The following RGS12 variants were observed in gnomAD, a reference collection of about 807,000 sequenced individuals.
RGS12 encodes the protein regulator of G protein signaling 12, also known as regulator of G-protein signaling 12.
A neutral mutation model predicts 120.1 loss-of-function variants in RGS12; 66 were observed. The ratio of observed to expected loss-of-function variants is 0.55; its 90% CI spans 0.45 to 0.67. The LOEUF (loss-of-function observed/expected upper bound fraction) is 0.67. Ranked by LOEUF, RGS12 falls within the 30% of genes least tolerant of loss-of-function variation. RGS12 has a pLI of 0.00. For missense variants in RGS12, 1,859 were observed against 1,957.7 expected (o/e 0.95, Z 0.95); for synonymous variants, 827 against 804.7 (o/e 1.03, Z -0.47).
At chr4:3,287,092 C>T in the RGS12 span, among the ~76,000 whole-genome samples, 1 of 152,144 alleles carries the variant, frequency 6.6e-6, no homozygotes, top group South Asian at 2.1e-4. Flanking sequence ...TATAATCCTC[C>T]GGGAAAAGGT....
intron 4 of RGS12, among the ~76,000 whole-genome samples, chr4:3,388,467 C>T (rs936590278): frequency 8.5e-5 from 13 of 152,222 alleles, no homozygotes; most frequent in African/African-American, 2.7e-4. Context: ...TGTAGGGCAC[C>T]GAGGCAGAGT....
At position 3,390,983 on chromosome 4, in the gene RGS12, A is replaced by G. The variant is rs1048573806; in HGVS notation, c.2020+4546A>G. Among the ~76,000 whole-genome samples, 3 of 152,276 alleles carry G rather than the reference A, an allele frequency of 2.0e-5. No homozygotes were observed. The highest frequency in any genetic ancestry group is 4.4e-5 in the Non-Finnish European group (3 of 68,046). Reference sequence around the variant, plus strand: ...TGAGAGTAGAACCATCAGTACTTACATAGAATTAGTTGATAAATTTACATT... The same window carrying G: ...TGAGAGTAGAACCATCAGTACTTACGTAGAATTAGTTGATAAATTTACATT... On this transcript the variant is annotated intron_variant, in intron 4 of 17. Coordinates refer to ENST00000336727, the MANE Select transcript of RGS12 (RefSeq NM_001394154.1). The surrounding 1 kb of genome is among the most constrained non-coding windows in gnomAD (Gnocchi z 4.6).
At chr4:3,311,104 G>A (rs1399039785) in intron 1 of RGS12, among the ~76,000 whole-genome samples, 1 of 152,138 alleles carries the variant, frequency 6.6e-6, no homozygotes, top group Non-Finnish European at 1.5e-5. Flanking sequence ...CCTGGAGGCC[G>A]TGATTGCTGA....
At chr4:3,306,037 A>T (rs1243645281) in intron 1 of RGS12, among the ~76,000 whole-genome samples, 1 of 152,226 alleles carries the variant, frequency 6.6e-6, no homozygotes, top group Admixed American at 6.5e-5. Flanking sequence ...GGCACGAGCC[A>T]TACCTGGCAT....
At chr4:3,406,387 A>C (rs1171747900) in intron 4 of RGS12, among the ~76,000 whole-genome samples, 1 of 152,164 alleles carries the variant, frequency 6.6e-6, no homozygotes, top group Non-Finnish European at 1.5e-5. Context: ...GAAAATGTGG[A>C]GCTTGATTGG....
intron 2 of RGS12, among the ~76,000 whole-genome samples, chr4:3,322,056 G>A (rs1017205292): frequency 1.3e-5 from 2 of 152,148 alleles, no homozygotes; most frequent in African/African-American, 2.4e-5. Flanking sequence ...TGTCACTGCC[G>A]CCTCCATCCT....
At chr4:3,362,324 CAT>C (rs1578822782) in intron 3 of RGS12, among the ~76,000 whole-genome samples, 1 of 152,104 alleles carries the variant, frequency 6.6e-6, no homozygotes, top group African/African-American at 2.4e-5. Flanking sequence ...TGTGTCGCCT[CAT>C]GTCATGAAGA....
At chr4:3,333,662 C>T (rs1712123893) in intron 2 of RGS12, among the ~76,000 whole-genome samples, 1 of 152,160 alleles carries the variant, frequency 6.6e-6, no homozygotes. Context: ...GCGTGTGGGT[C>T]TGTTTCTTAG....
chr4:3,383,601 CA>C lies in RGS12; in HGVS notation c.1999-2804del, dbSNP rs112353778. On this transcript the variant is annotated intron_variant, in intron 3 of 17. Coordinates refer to ENST00000336727, the MANE Select transcript of RGS12 (RefSeq NM_001394154.1). Reference sequence around the variant, plus strand: ...TATCCTGGTGACAGAGCGAGACTGTCAAAAAAAAAAAGTATGTGTATCTCTC... The same window carrying C: ...TATCCTGGTGACAGAGCGAGACTGTCAAAAAAAAAAGTATGTGTATCTCTC... 3.2e-4 allele frequency among the ~76,000 whole-genome samples: 46 copies of C among 144,924 alleles called. No homozygotes were observed. The South Asian group carries it at 3.2e-3, about 10-fold the overall frequency.
intron 3 of RGS12, among the ~76,000 whole-genome samples, chr4:3,346,422 A>T (rs1487841017): frequency 1.3e-5 from 2 of 152,214 alleles, no homozygotes; most frequent in Admixed American, 1.3e-4. Context: ...GAAGCTGCCC[A>T]CAGCATGAAG....
At chr4:3,288,409 C>T (rs1480817656), upstream of RGS12, among the ~76,000 whole-genome samples, 1 of 152,184 alleles carries the variant, frequency 6.6e-6, no homozygotes, top group African/African-American at 2.4e-5. This position sits in a 1 kb window ranked among gnomAD's most constrained non-coding sequence, Gnocchi z 5.2. Flanking sequence ...CCCTCTGGGC[C>T]TGGCTTCCTG....
intron 1 of RGS12, among the ~76,000 whole-genome samples, chr4:3,302,368 G>T (rs760501238): frequency 5.7e-5 from 7 of 123,766 alleles, no homozygotes; most frequent in Non-Finnish European, 1.1e-4. Flanking sequence ...GGCCCTGGCC[G>T]TTGTGGTCTG....
intron 4 of RGS12, among the ~76,000 whole-genome samples, chr4:3,398,821 C>G (rs28608121): frequency 0.075 from 11,454 of 151,810 alleles, 1,110 homozygotes; most frequent in African/African-American, 0.23. Flanking sequence ...GAGCTTTGTA[C>G]CAAATGGAAA....
intron 3 of RGS12, among the ~76,000 whole-genome samples, chr4:3,347,703 T>C (rs1378605772): frequency 6.6e-6 from 1 of 152,218 alleles, no homozygotes; most frequent in Admixed American, 6.5e-5. Flanking sequence ...CTTAGAGTCT[T>C]TTCCATGAAT....
At chr4:3,363,137 G>C (rs1017043413) in intron 3 of RGS12, among the ~76,000 whole-genome samples, 1 of 151,598 alleles carries the variant, frequency 6.6e-6, no homozygotes, top group Admixed American at 6.6e-5. Context: ...GTGAGTGTGG[G>C]GGTGTGTGTG....
At chr4:3,355,175 A>G (rs1714749722) in intron 3 of RGS12, among the ~76,000 whole-genome samples, 1 of 152,234 alleles carries the variant, frequency 6.6e-6, no homozygotes, top group Non-Finnish European at 1.5e-5. Context: ...TTTTAACAGA[A>G]TACATAAAAA....
chr4:3,319,547 C>T (rs1339159651), intron 2 of RGS12, among the ~76,000 whole-genome samples: 1 of 152,186 alleles, frequency 6.6e-6, no homozygotes. Flanking sequence ...CCCACCTCAG[C>T]CTCCTGAGTA....
Position 3,430,687 on chromosome 4 carries a change from T to A in RGS12, c.3846T>A (p.Pro1282=), listed in dbSNP as rs1257950534. Residue 1282 remains proline (P), a synonymous_variant, in exon 17 of 18, where the codon CCT becomes CCA. Transcript: ENST00000336727. ...GCCCGGGCTCAGCCTCCAGCCCCCC[T>A]GGACCTCCTGGGACGACCCCCCCCG... is the stretch of plus-strand genomic sequence containing the variant. The part of the protein sequence containing the change: ...STSPGSASSP[P]GPPGTTPPGQ... The A allele has an allele frequency of 4.4e-6, 7 of 1,579,606 alleles. No individual in the cohort carries two copies. Among genetic ancestry groups the A allele is most frequent in the Non-Finnish European group, 6.0e-6 (7 of 1,162,564 alleles).
At chr4:3,370,732 G>GTAGCT (rs1333889288) in intron 3 of RGS12, among the ~76,000 whole-genome samples, 1 of 152,180 alleles carries the variant, frequency 6.6e-6, no homozygotes, top group East Asian at 1.9e-4. Context: ...TTAAATGATG[G>GTAGCT]TAGCTTAACA....
Sources: allele counts gnomAD v4.1 joint callset (sites outside exome capture counted in the v4.1 genomes callset), GRCh38; gene constraint gnomAD v4.1.1; non-coding constraint Gnocchi (gnomAD v3.1); transcripts MANE v1.5; gene names NCBI Gene and HGNC (gene_info 2026-07-23, HGNC 2026-07-21).